The following MAPK9 variants were observed in gnomAD, a reference collection of about 807,000 sequenced individuals.
MAPK9 encodes mitogen-activated protein kinase 9, also known as Jun kinase.
MAPK9 carries 30 observed loss-of-function variants against 57.1 expected under a neutral mutation model. The ratio of observed to expected loss-of-function variants is 0.53; its 90% CI spans 0.39 to 0.71. The LOEUF (loss-of-function observed/expected upper bound fraction) is 0.71. MAPK9 is among the 30% of genes least tolerant of loss of function. MAPK9 has a pLI of 0.00. For missense variants in MAPK9, 362 were observed against 521.0 expected (o/e 0.69, Z 2.97); for synonymous variants, 155 against 177.0 (o/e 0.88, Z 0.99).
intron 2 of MAPK9, among the ~76,000 whole-genome samples, chr5:180,277,602 T>C (rs942653267): frequency 7.2e-5 from 11 of 152,222 alleles, no homozygotes; most frequent in African/African-American, 2.4e-4. Flanking sequence ...GGACCATTAT[T>C]CTGCATGCTA....
chr5:180,245,917 G>A (rs1188670797), intron 7 of MAPK9: 1 of 152,184 alleles, frequency 6.6e-6, no homozygotes, highest in Non-Finnish European at 1.5e-5. Flanking sequence ...ATTTGAAAGA[G>A]TTGGCAAAAT....
rs555687610 is a variant in MAPK9 at position 180,285,535 on chromosome 5, G to A, written c.-47-4927C>T. Among the ~76,000 whole-genome samples the A allele has an allele frequency of 9.2e-5, 14 of 152,280 alleles. 1 individual carries two copies. The highest frequency in any genetic ancestry group is 3.4e-4 in the African/African-American group (14 of 41,554). ...AAGCTTCAGAGTACCCAGGACATGC[G>A]ATATTTAAATCAACTAACTATTGTG... On this transcript the variant is annotated intron_variant, in intron 1 of 11. Coordinates refer to ENST00000452135, the MANE Select transcript of MAPK9 (RefSeq NM_002752.5).
At chr5:180,272,572 T>A (rs1761436355) in intron 2 of MAPK9, among the ~76,000 whole-genome samples, 2 of 152,212 alleles carry the variant, frequency 1.3e-5, no homozygotes, top group South Asian at 4.1e-4. Flanking sequence ...CTTTACCAGC[T>A]AAAGCATGCA....
intron 3 of MAPK9, among the ~76,000 whole-genome samples, chr5:180,268,799 C>G (rs781187095): frequency 2.2e-4 from 33 of 149,892 alleles, no homozygotes; most frequent in Admixed American, 8.7e-4. Context: ...TGCACTCCAG[C>G]CTGGGCGACA....
chr5:180,279,101 G>T (rs1331621699), intron 2 of MAPK9, among the ~76,000 whole-genome samples: 2 of 152,020 alleles, frequency 1.3e-5, no homozygotes, highest in African/African-American at 4.8e-5. Flanking sequence ...GGGACTACGG[G>T]TGTGTGCCAC....
intron 5 of MAPK9, among the ~76,000 whole-genome samples, chr5:180,256,928 T>C (rs1207760539): frequency 6.6e-6 from 1 of 152,188 alleles, no homozygotes; most frequent in African/African-American, 2.4e-5. Flanking sequence ...AAAATGTATT[T>C]AAGAGATATC....
intron 3 of MAPK9, among the ~76,000 whole-genome samples, chr5:180,268,085 A>C (rs1201494030): frequency 1.3e-5 from 2 of 152,056 alleles, no homozygotes; most frequent in Non-Finnish European, 2.9e-5. Flanking sequence ...CGGCCTCCTA[A>C]AGTGCTGGGA....
rs1445675517 is a variant in MAPK9, at chr5:180,247,964, C to T, written c.617-454G>A. ...AGGGGATTAAAAACCAGCTAGAGTC[C>T]CCCATCTTTTTTCTTCAAACCCCCT... is the stretch of plus-strand genomic sequence containing the variant. On this transcript the variant is annotated intron_variant, in intron 6 of 11. Transcript: ENST00000452135. This position sits in a 1 kb window ranked among gnomAD's most constrained non-coding sequence, Gnocchi z 4.5. The T allele has an allele frequency of 1.3e-6, 2 of 1,597,628 alleles. No homozygotes were observed. The highest frequency in any genetic ancestry group is 1.1e-5 in the South Asian group (1 of 89,592).
At position 180,291,866 on chromosome 5, in the gene MAPK9, C is replaced by G. The variant is rs1763283836; in HGVS notation, c.-66G>C. ...GGCTCACCTCGCCTCCCCGCCGCCG[C>G]GCCACGGGGAGAGGGCGGGCGGGCG... On this transcript the variant is annotated 5_prime_UTR_variant, in exon 1 of 12. Transcript: ENST00000452135. The G allele has an allele frequency of 1.4e-5, 2 of 147,656 alleles. No homozygotes were observed. Among genetic ancestry groups the G allele is most frequent in the Admixed American group, 6.8e-5 (1 of 14,792 alleles). The allele number at this position is 147,656 out of a possible 1,614,324, so 9.1% of individuals were successfully genotyped here.
intron 1 of MAPK9, 101 bp from the exon 2 acceptor site, chr5:180,280,709 G>A (rs771756967): frequency 5.5e-6 from 5 of 907,958 alleles, no homozygotes; most frequent in South Asian, 2.6e-5. Flanking sequence ...CAATGTGGCT[G>A]TAAGTTGATA....
chr5:180,284,464 A>G (rs1762573897), intron 1 of MAPK9, among the ~76,000 whole-genome samples: 1 of 152,244 alleles, frequency 6.6e-6, no homozygotes, highest in Non-Finnish European at 1.5e-5. Context: ...GGTTTCCTGG[A>G]GGAGGCAAGA....
At chr5:180,274,318 G>A (rs191557540) in intron 2 of MAPK9, among the ~76,000 whole-genome samples, 3 of 152,288 alleles carry the variant, frequency 2.0e-5, no homozygotes, top group South Asian at 2.1e-4. Context: ...AGGGCTAAAC[G>A]TACTCATTAA....
chr5:180,282,381 A>G (rs1308909969), intron 1 of MAPK9, among the ~76,000 whole-genome samples: 1 of 152,188 alleles, frequency 6.6e-6, no homozygotes, highest in Non-Finnish European at 1.5e-5. Flanking sequence ...CATGTACTTC[A>G]CTATTTGGGG....
At chr5:180,249,230 G>T in intron 5 of MAPK9, 92 bp from the exon 6 acceptor site, 1 of 1,179,690 alleles carries the variant, frequency 8.5e-7, no homozygotes, top group Non-Finnish European at 1.2e-6. Flanking sequence ...CAGTGTGAGA[G>T]TGTAGGGAGT....
intron 2 of MAPK9, among the ~76,000 whole-genome samples, chr5:180,273,600 T>C (rs1255924144): frequency 2.0e-5 from 3 of 152,224 alleles, no homozygotes; most frequent in Non-Finnish European, 2.9e-5. Flanking sequence ...TTCTCCTATA[T>C]TATGTTCAAA....
intron 4 of MAPK9, among the ~76,000 whole-genome samples, chr5:180,263,706 C>CTTT (rs61215315): frequency 0.011 from 1,351 of 127,240 alleles, 65 homozygotes; most frequent in East Asian, 0.07. Context: ...GCACCAAATT[C>CTTT]TTTTTTTTTT....
chr5:180,269,218 C>T (rs1761017031), intron 3 of MAPK9, 62 bp downstream of exon 3: 2 of 1,536,042 alleles, frequency 1.3e-6, no homozygotes, highest in East Asian at 4.5e-5. Flanking sequence ...CCAGAAAACC[C>T]TGAAGATTAC....
chr5:180,263,275 T>C (rs1013086096), intron 4 of MAPK9, among the ~76,000 whole-genome samples: 1 of 152,116 alleles, frequency 6.6e-6, no homozygotes, highest in East Asian at 1.9e-4. Context: ...CATGGCTCTA[T>C]CTTTAGAACC....
At chr5:180,281,998 T>C (rs982248876) in intron 1 of MAPK9, among the ~76,000 whole-genome samples, 1 of 152,202 alleles carries the variant, frequency 6.6e-6, no homozygotes, top group South Asian at 2.1e-4. Context: ...CTGGAACACC[T>C]GCCTAGCCCA....
Sources: allele counts gnomAD v4.1 joint callset (sites outside exome capture counted in the v4.1 genomes callset), GRCh38; gene constraint gnomAD v4.1.1; non-coding constraint Gnocchi (gnomAD v3.1); transcripts MANE v1.5; gene names NCBI Gene and HGNC (gene_info 2026-07-23, HGNC 2026-07-21).